Variants in ZNF280D observed in about 807,000 individuals in gnomAD.
ZNF280D encodes suppressor of hairy wing homolog 4.
ZNF280D carries 39 observed loss-of-function variants against 94.7 expected under a neutral mutation model. That is an observed-to-expected ratio of 0.41 (90% CI 0.32 to 0.54). The LOEUF is 0.54. Among genes scored for constraint, ZNF280D ranks in the 20% least tolerant of loss-of-function variants. ZNF280D has a pLI of 0.22. For synonymous variants in ZNF280D, 398 were observed against 377.6 expected, an observed-to-expected ratio of 1.05 and a Z score of -0.63; for missense variants, 1,090 against 1,149.3, an observed-to-expected ratio of 0.95 and a Z score of 0.75.
At chr15:56,639,583 G>A (rs1404282160) in intron 20 of ZNF280D, among the ~76,000 whole-genome samples, 1 of 152,058 alleles carries the variant, frequency 6.6e-6, no homozygotes, top group African/African-American at 2.4e-5. Context: ...CCAAGAAACT[G>A]GAGCAAGACA....
chr15:56,650,124 G>C (rs1319389385), intron 19 of ZNF280D, among the ~76,000 whole-genome samples: 1 of 152,046 alleles, frequency 6.6e-6, no homozygotes, highest in African/African-American at 2.4e-5. Context: ...TTCTGTAATT[G>C]CTTTGGTGCT....
chr15:56,672,636 T>TG (rs1353961916), intron 13 of ZNF280D, among the ~76,000 whole-genome samples: 81 of 152,104 alleles, frequency 5.3e-4, no homozygotes, highest in African/African-American at 1.9e-3. Flanking sequence ...GGCCTGAAGT[T>TG]TTGTGTGTGT....
At chr15:56,702,316 T>A (rs1247990538) in intron 4 of ZNF280D, among the ~76,000 whole-genome samples, 4 of 152,130 alleles carry the variant, frequency 2.6e-5, no homozygotes, top group African/African-American at 9.7e-5. Context: ...GTGGGTGTAG[T>A]CTATGGATCA....
chr15:56,692,467 A>G (rs1326210046), intron 7 of ZNF280D, among the ~76,000 whole-genome samples: 3 of 152,098 alleles, frequency 2.0e-5, no homozygotes, highest in East Asian at 3.8e-4. Flanking sequence ...TTTCAATTAG[A>G]TAAAATTATT....
At chr15:56,657,052 A>G (rs1479538800) in intron 17 of ZNF280D, among the ~76,000 whole-genome samples, 5 of 152,188 alleles carry the variant, frequency 3.3e-5, no homozygotes, top group Admixed American at 3.3e-4. Flanking sequence ...TCCACTAATC[A>G]AAAGCATCAA....
At chr15:56,704,826 G>A (rs1357296799) in intron 3 of ZNF280D, among the ~76,000 whole-genome samples, 18 of 151,774 alleles carry the variant, frequency 1.2e-4, no homozygotes, top group Admixed American at 5.9e-4. Flanking sequence ...ATTAAAAATA[G>A]AAAAAAATTA....
chr15:56,646,093 G>T (rs1444138667), intron 19 of ZNF280D, among the ~76,000 whole-genome samples: 1 of 152,152 alleles, frequency 6.6e-6, no homozygotes, highest in East Asian at 1.9e-4. Context: ...AAAAGAGGCT[G>T]TAAAGCAACC....
intron 1 of ZNF280D, among the ~76,000 whole-genome samples, chr15:56,721,716 G>A (rs943514089): frequency 4.6e-5 from 7 of 152,172 alleles, no homozygotes; most frequent in African/African-American, 9.7e-5. Flanking sequence ...TCTTGACCTC[G>A]AGCCTTTGGC....
chr15:56,648,214 T>C (rs2053010411), intron 19 of ZNF280D, among the ~76,000 whole-genome samples: 1 of 152,152 alleles, frequency 6.6e-6, no homozygotes, highest in African/African-American at 2.4e-5. Context: ...CTCTAAAACA[T>C]GCTGAGTATC....
At chr15:56,715,753 T>G (rs150629104) in intron 1 of ZNF280D, among the ~76,000 whole-genome samples, 191 of 152,278 alleles carry the variant, frequency 1.3e-3, no homozygotes, top group African/African-American at 4.4e-3. Context: ...AAATTGAAGA[T>G]GTACTGCTGA....
At chr15:56,700,072 C>T (rs547671356) in intron 6 of ZNF280D, 16 of 337,856 alleles carry the variant, frequency 4.7e-5, no homozygotes, top group African/African-American at 3.5e-4. Context: ...AATGACAACA[C>T]TGTTGACCCT....
chr15:56,678,295 A>C (rs1224780274), intron 11 of ZNF280D, among the ~76,000 whole-genome samples: 1 of 152,182 alleles, frequency 6.6e-6, no homozygotes, highest in Non-Finnish European at 1.5e-5. Context: ...TACAGGCATG[A>C]GCCACTGCAC....
At chr15:56,661,178 G>T (rs1466215538) in intron 16 of ZNF280D, among the ~76,000 whole-genome samples, 1 of 152,156 alleles carries the variant, frequency 6.6e-6, no homozygotes, top group Non-Finnish European at 1.5e-5. Context: ...GCAGTTAGAA[G>T]ACTCTTACTG....
chr15:56,638,299 G>T (rs1327061413), intron 20 of ZNF280D, among the ~76,000 whole-genome samples: 1 of 152,094 alleles, frequency 6.6e-6, no homozygotes, highest in Non-Finnish European at 1.5e-5. Context: ...ACCAATGCAT[G>T]ATATTACAAA....
intron 1 of ZNF280D, among the ~76,000 whole-genome samples, chr15:56,720,979 G>GC (rs61523307): frequency 0.26 from 32,053 of 123,758 alleles, 5,353 homozygotes; most frequent in Middle Eastern, 0.41. Context: ...TTGGGGGGGG[G>GC]GGGGACAGAG....
intron 1 of ZNF280D, among the ~76,000 whole-genome samples, chr15:56,714,184 A>G (rs950389364): frequency 1.3e-5 from 2 of 152,126 alleles, no homozygotes; most frequent in Non-Finnish European, 2.9e-5. Context: ...ACTGTTAAAA[A>G]CCAGTCTTAC....
chr15:56,652,006 G>C (rs2053234507), intron 19 of ZNF280D, among the ~76,000 whole-genome samples: 2 of 150,014 alleles, frequency 1.3e-5, no homozygotes, highest in Admixed American at 6.6e-5. Context: ...ACTGGGTAGA[G>C]AGAGGAGATA....
At chr15:56,643,838 C>T (rs1033330323) in intron 19 of ZNF280D, among the ~76,000 whole-genome samples, 19 of 151,700 alleles carry the variant, frequency 1.3e-4, no homozygotes, top group African/African-American at 4.6e-4. Flanking sequence ...AATAGCTATA[C>T]CTAAGGAATA....
At chr15:56,669,237 G>A (rs62022912) in intron 13 of ZNF280D, among the ~76,000 whole-genome samples, 5,366 of 151,984 alleles carry the variant, frequency 0.035, 152 homozygotes, top group Non-Finnish European at 0.052. Flanking sequence ...AATCTCTTTC[G>A]ATTATAAACT....
Sources: allele counts gnomAD v4.1 joint callset (sites outside exome capture counted in the v4.1 genomes callset), GRCh38; gene constraint gnomAD v4.1.1; transcripts MANE v1.5; gene names NCBI Gene and HGNC (gene_info 2026-07-23, HGNC 2026-07-21).